The following COA1 variants were observed in gnomAD, a reference collection of about 807,000 sequenced individuals.
COA1 encodes the protein cytochrome c oxidase assembly factor 1, also known as cytochrome c oxidase assembly factor 1 homolog.
COA1 carries 13 observed loss-of-function variants against 16.0 expected under a neutral mutation model. That is an observed-to-expected ratio of 0.81 (90% CI 0.53 to 1.29). The LOEUF is 1.29. COA1 is among the 50% of genes most tolerant of loss of function. The pLI is 0.00. For synonymous variants in COA1, 65 were observed against 65.7 expected, an observed-to-expected ratio of 0.99 and a Z score of 0.05; for missense variants, 179 against 177.0, an observed-to-expected ratio of 1.01 and a Z score of -0.06.
At chr7:43,698,079 C>G (rs1585142205) in intron 1 of COA1, among the ~76,000 whole-genome samples, 1 of 152,254 alleles carries the variant, frequency 6.6e-6, no homozygotes, top group African/African-American at 2.4e-5. Context: ...AGAAAAATTA[C>G]CAAGATCACT....
At chr7:43,692,625 C>G (rs1345210030) in intron 1 of COA1, among the ~76,000 whole-genome samples, 12 of 152,170 alleles carry the variant, frequency 7.9e-5, no homozygotes, top group Admixed American at 6.5e-4. Flanking sequence ...GAAATGTTCT[C>G]ATTTCATGAT....
chr7:43,640,070 C>A (rs777355249), intron 5 of COA1, among the ~76,000 whole-genome samples: 2 of 152,132 alleles, frequency 1.3e-5, no homozygotes, highest in Non-Finnish European at 2.9e-5. Context: ...CTCCTTTTGT[C>A]CTTGGGAATT....
At chr7:43,624,446 ATACAGTACCT>A in intron 6 of COA1, 1 of 1,438,324 alleles carries the variant, frequency 7.0e-7, no homozygotes, top group Non-Finnish European at 9.3e-7. Context: ...AATGCAATAA[ATACAGTACCT>A]TATGCTCTAA....
chr7:43,700,508 G>T (rs989180909), intron 1 of COA1, among the ~76,000 whole-genome samples: 1 of 146,466 alleles, frequency 6.8e-6, no homozygotes, highest in African/African-American at 2.5e-5. Flanking sequence ...GCCCTAATCA[G>T]CTTTTATAAA....
intron 1 of COA1, among the ~76,000 whole-genome samples, chr7:43,672,922 C>A (rs1306656088): frequency 6.6e-6 from 1 of 152,114 alleles, no homozygotes; most frequent in Non-Finnish European, 1.5e-5. Flanking sequence ...GGGGAAAGGA[C>A]TCCCTGTTCA....
intron 1 of COA1, chr7:43,657,362 G>C (rs1280252520): frequency 1.3e-5 from 2 of 152,192 alleles, no homozygotes; most frequent in Non-Finnish European, 2.9e-5. Flanking sequence ...TCATACTACT[G>C]CAAGTGGCTA....
At chr7:43,618,024 T>G (rs1272245891) in intron 6 of COA1, among the ~76,000 whole-genome samples, 1 of 152,180 alleles carries the variant, frequency 6.6e-6, no homozygotes, top group African/African-American at 2.4e-5. Context: ...CACTGGATTT[T>G]GTGATTTGTA....
intron 1 of COA1, among the ~76,000 whole-genome samples, chr7:43,725,677 G>T (rs540331850): frequency 6.6e-6 from 1 of 152,130 alleles, no homozygotes; most frequent in Non-Finnish European, 1.5e-5. Flanking sequence ...AGCCAGCATG[G>T]TGAAACCCCG....
At chr7:43,659,538 T>G (rs1199052287) in intron 1 of COA1, among the ~76,000 whole-genome samples, 1 of 152,210 alleles carries the variant, frequency 6.6e-6, no homozygotes, top group Non-Finnish European at 1.5e-5. Context: ...CAAATGAATA[T>G]GAGTAGGGCA....
Position 43,691,804 on chromosome 7 carries a change from T to C in COA1, c.-39+37625A>G, listed in dbSNP as rs1424115564. Among the ~76,000 whole-genome samples, 3 of 152,130 alleles carry C rather than the reference T, an allele frequency of 2.0e-5. No homozygotes were observed. The East Asian group carries it at 5.8e-4, about 29-fold the overall frequency. On this transcript the variant is annotated intron_variant, in intron 1 of 5. Transcript: ENST00000223336. ...AGGAAGGCTATTCTGAAAGTGTAGG[T>C]CAGCACTCAGGTAGCAGACCTGCTG...
At chr7:43,644,762 G>GATAGA (rs1563228848) in intron 4 of COA1, among the ~76,000 whole-genome samples, 818 of 79,938 alleles carry the variant, frequency 0.01, 3 homozygotes, top group Middle Eastern at 0.025. Flanking sequence ...AGATAGATAG[G>GATAGA]CAGGCAGGCA....
intron 1 of COA1, among the ~76,000 whole-genome samples, chr7:43,697,360 C>T (rs1157962747): frequency 6.6e-6 from 1 of 151,888 alleles, no homozygotes; most frequent in Non-Finnish European, 1.5e-5. Flanking sequence ...GGCATGATCT[C>T]GACTCACTGC....
At chr7:43,728,254 G>A (rs559382175) in intron 1 of COA1, among the ~76,000 whole-genome samples, 47 of 152,174 alleles carry the variant, frequency 3.1e-4, no homozygotes, top group Non-Finnish European at 5.4e-4. Flanking sequence ...GATTACAGGC[G>A]TGAGGCACCG....
chr7:43,636,342 G>A (rs940116657), downstream of COA1, among the ~76,000 whole-genome samples: 6 of 127,394 alleles, frequency 4.7e-5, no homozygotes, highest in African/African-American at 1.6e-4. Context: ...TTTCTGGACC[G>A]CCCCCATCAT....
chr7:43,710,678 T>C (rs911281182), intron 1 of COA1, among the ~76,000 whole-genome samples: 4 of 152,098 alleles, frequency 2.6e-5, no homozygotes, highest in African/African-American at 9.7e-5. Context: ...CTCCAATAGG[T>C]ATTACTGGTG....
At chr7:43,666,398 G>C (rs1397829293) in intron 1 of COA1, among the ~76,000 whole-genome samples, 1 of 152,038 alleles carries the variant, frequency 6.6e-6, no homozygotes, top group Non-Finnish European at 1.5e-5. Flanking sequence ...TTTCTCTAAG[G>C]GCTCCACCCT....
chr7:43,674,732 G>A (rs2093433797), intron 1 of COA1, among the ~76,000 whole-genome samples: 1 of 152,196 alleles, frequency 6.6e-6, no homozygotes, highest in South Asian at 2.1e-4. Flanking sequence ...AGTTTATTCA[G>A]TTAGTCACAG....
chr7:43,630,987 A>T (rs1187145332), intron 6 of COA1, among the ~76,000 whole-genome samples: 4 of 152,068 alleles, frequency 2.6e-5, no homozygotes, highest in Admixed American at 2.6e-4. Flanking sequence ...TAGAAAACTC[A>T]AGGAGGAAAG....
At chr7:43,688,794 T>C (rs2094149082) in intron 1 of COA1, among the ~76,000 whole-genome samples, 1 of 152,246 alleles carries the variant, frequency 6.6e-6, no homozygotes, top group Non-Finnish European at 1.5e-5. Context: ...TAATAGCCAG[T>C]AGGAAAGAGG....
Sources: gnomAD v4.1 joint callset for allele counts (sites outside exome capture counted in the v4.1 genomes callset) on GRCh38, gnomAD v4.1.1 for gene constraint, MANE v1.5 for transcripts, NCBI Gene and HGNC (gene_info 2026-07-23, HGNC 2026-07-21) for gene names.